Variants in FBXO28 observed in about 807,000 individuals in gnomAD.
FBXO28 encodes the protein F-box only protein 28.
FBXO28 carries 8 observed loss-of-function variants against 38.1 expected under a neutral mutation model. The ratio of observed to expected loss-of-function variants is 0.21; its 90% CI spans 0.12 to 0.38. The LOEUF (loss-of-function observed/expected upper bound fraction) is 0.38, where lower values mean the gene tolerates loss of function less well. Ranked by LOEUF, FBXO28 falls within the 10% of genes least tolerant of loss-of-function variation. The pLI is 1.00. For missense variants in FBXO28, 345 were observed against 460.6 expected (o/e 0.75, Z 2.30); for synonymous variants, 168 against 173.8 (o/e 0.97, Z 0.26).
chr1:224,123,562 A>G (rs562687670), intron 1 of FBXO28, among the ~76,000 whole-genome samples: 6 of 151,466 alleles, frequency 4.0e-5, no homozygotes, highest in Admixed American at 2.0e-4. Flanking sequence ...TTGTATGTAT[A>G]TTATCGTGGT....
rs1045848566 is a variant in FBXO28 at position 224,114,351 on chromosome 1, C to T, written c.222C>T (p.Asn74=). ...CGCTGCCCATCGTAGCCATCGAGAACATCCTCAGCTTTATGTCCTACGACG... is the reference window on the plus strand; with the variant it reads ...CGCTGCCCATCGTAGCCATCGAGAATATCCTCAGCTTTATGTCCTACGACG... The part of the protein sequence containing the change: ...LVALPIVAIE[N]ILSFMSYDEI... The change falls in exon 1 of 5, where the codon AAC becomes AAT. Residue 74 remains asparagine, a synonymous_variant. Transcript: ENST00000366862. The T allele has an allele frequency of 6.3e-7, 1 of 1,599,772 alleles. No individual in the cohort carries two copies. The highest frequency in any genetic ancestry group is 8.5e-7 in the Non-Finnish European group (1 of 1,173,276).
chr1:224,146,030 C>A (rs1003982765), intron 3 of FBXO28, among the ~76,000 whole-genome samples: 2 of 151,278 alleles, frequency 1.3e-5, no homozygotes, highest in African/African-American at 4.9e-5. Flanking sequence ...TGTGGCATTG[C>A]CCTCCAGCCT....
intron 1 of FBXO28, among the ~76,000 whole-genome samples, chr1:224,129,495 A>G (rs1656986056): frequency 6.6e-6 from 1 of 152,170 alleles, no homozygotes; most frequent in Non-Finnish European, 1.5e-5. Context: ...ACTCAAATGG[A>G]TACATTTCTG....
chr1:224,127,015 A>G (rs1165030119), intron 1 of FBXO28, among the ~76,000 whole-genome samples: 1 of 151,692 alleles, frequency 6.6e-6, no homozygotes, highest in East Asian at 1.9e-4. Flanking sequence ...AATAACATAA[A>G]AGTTTTTTTT....
At chr1:224,139,704 G>C (rs557546951) in intron 3 of FBXO28, among the ~76,000 whole-genome samples, 245 of 152,202 alleles carry the variant, frequency 1.6e-3, no homozygotes, top group African/African-American at 5.5e-3. Flanking sequence ...TTGCGCCACT[G>C]TATTCCAGCC....
chr1:224,144,191 T>TGGTGGTTCA (rs1410791157), intron 3 of FBXO28, among the ~76,000 whole-genome samples: 1 of 142,400 alleles, frequency 7.0e-6, no homozygotes, highest in Non-Finnish European at 1.5e-5. Flanking sequence ...GGGCCAGGTG[T>TGGTGGTTCA]GGTGGTTCAT....
chr1:224,122,883 A>G (rs936161079), intron 1 of FBXO28, among the ~76,000 whole-genome samples: 4 of 152,232 alleles, frequency 2.6e-5, no homozygotes. Flanking sequence ...GCAGTTCTAT[A>G]ACAGCAGAGT....
intron 3 of FBXO28, 134 bp downstream of exon 3, chr1:224,134,346 T>C (rs1657125942): frequency 1.4e-6 from 1 of 736,832 alleles, no homozygotes. Flanking sequence ...TTTGTTTGCT[T>C]TCTGTACAGT....
rs548807450 is a variant in FBXO28 at position 224,125,797 on chromosome 1, A to G, written c.268-4675A>G. Among the ~76,000 whole-genome samples the G allele has an allele frequency of 5.3e-5, 8 of 151,994 alleles. No individual in the cohort carries two copies. In the South Asian group the frequency reaches 1.7e-3, roughly 32 times the overall value. ...GCTGGAATTACAGGCGCCTGCCACC[A>G]CACCCAGCTAATTTTTATTTGGGGG... On this transcript the variant is annotated intron_variant, in intron 1 of 4. Coordinates refer to ENST00000366862, the MANE Select transcript of FBXO28 (RefSeq NM_015176.4).
chr1:224,151,587 G>A (rs1657648485), intron 3 of FBXO28, among the ~76,000 whole-genome samples: 1 of 152,198 alleles, frequency 6.6e-6, no homozygotes, highest in African/African-American at 2.4e-5. Flanking sequence ...TGGATTATAA[G>A]ATTGATCCAG....
At chr1:224,145,655 G>A (rs762779013) in intron 3 of FBXO28, among the ~76,000 whole-genome samples, 4 of 152,160 alleles carry the variant, frequency 2.6e-5, no homozygotes, top group Non-Finnish European at 5.9e-5. Context: ...AGGCCTGGTA[G>A]CTCATGCCTG....
At chr1:224,121,501 G>A (rs1458931021) in intron 1 of FBXO28, among the ~76,000 whole-genome samples, 1 of 152,050 alleles carries the variant, frequency 6.6e-6, no homozygotes, top group Non-Finnish European at 1.5e-5. Context: ...GTGATCTTAG[G>A]CAGTAGGTAG....
chr1:224,153,078 G>GC, intron 3 of FBXO28, 64 bp from the exon 4 acceptor site: 1 of 1,352,366 alleles, frequency 7.4e-7, no homozygotes, highest in Non-Finnish European at 1.0e-6. Context: ...TTCTCTGCCT[G>GC]TTTAGCTATT....
At position 224,158,060 on chromosome 1, in the gene FBXO28, C is replaced by T. The variant is rs1035527844; in HGVS notation, c.*314C>T. ...GTTTCTGCATATATGCACATACATA[C>T]GTAAGGATCTTAAACCCAGTCTTGA... On this transcript the variant is annotated 3_prime_UTR_variant, in exon 5 of 5. Transcript: ENST00000366862. 25 of 1,057,522 alleles carry T rather than the reference C, an allele frequency of 2.4e-5. No individual in the cohort carries two copies. Among genetic ancestry groups the T allele is most frequent in the Admixed American group, 5.1e-5 (1 of 19,756 alleles). The allele number at this position is 1,057,522 out of a possible 1,614,324, so 65.5% of individuals were successfully genotyped here.
chr1:224,157,879 CTT>C lies in FBXO28; in HGVS notation c.*134_*135del, dbSNP rs1657808201. On this transcript the variant is annotated 3_prime_UTR_variant, in exon 5 of 5. Coordinates refer to ENST00000366862, the MANE Select transcript of FBXO28 (RefSeq NM_015176.4). ...TCAGAACACAACTTAAACTTGAACT[CTT>C]ATGGTTGGGACATTCTTTTCCTGCT... 2.1e-6 allele frequency: 3 copies of C among 1,434,886 alleles called. No homozygotes were observed. The highest frequency in any genetic ancestry group is 1.8e-6 in the Non-Finnish European group (2 of 1,100,722). 88.9% of individuals were successfully genotyped at this position (1,434,886 alleles called of 1,614,324 possible). A position where few individuals can be genotyped will look rare whatever the true frequency, so the allele number is the denominator to read the frequency against.
intron 3 of FBXO28, among the ~76,000 whole-genome samples, chr1:224,134,784 T>A (rs1657135777): frequency 6.6e-6 from 1 of 152,228 alleles, no homozygotes; most frequent in Non-Finnish European, 1.5e-5. Context: ...ACTTATACCT[T>A]CAGTAGTACC....
At chr1:224,155,002 T>G (rs2102636566) in intron 4 of FBXO28, among the ~76,000 whole-genome samples, 1 of 151,370 alleles carries the variant, frequency 6.6e-6, no homozygotes, top group Middle Eastern at 3.4e-3. Flanking sequence ...ATCATTAAGT[T>G]AAACCATTGT....
rs544337297 is a variant in FBXO28 at position 224,157,416 on chromosome 1, A to C, written c.777A>C (p.Gln259His). ...QLFSKQNPSR[Q>H]EVTKLQQQVK... ...TCTCCAAGCAAAATCCTTCAAGACA[A>C]GAGGTTACCAAACTCCAGCAGCAGG... The change falls in exon 5 of 5, where the codon CAA becomes CAC. Residue 259 changes from glutamine (Q) to histidine (H), a missense_variant. Coordinates refer to ENST00000366862, the MANE Select transcript of FBXO28 (RefSeq NM_015176.4). 4.2e-5 allele frequency: 68 copies of C among 1,614,146 alleles called. 3 individuals are homozygous for C. In the South Asian group the frequency reaches 7.2e-4, roughly 17 times the overall value.
chr1:224,130,658 GT>G, intron 2 of FBXO28, 77 bp downstream of exon 2: 1 of 929,754 alleles, frequency 1.1e-6, no homozygotes, highest in Non-Finnish European at 1.7e-6. Context: ...CAGTCTCATG[GT>G]TTACATATTG....
Sources: gnomAD v4.1 joint callset for allele counts (sites outside exome capture counted in the v4.1 genomes callset) on GRCh38, gnomAD v4.1.1 for gene constraint, MANE v1.5 for transcripts, NCBI Gene and HGNC (gene_info 2026-07-23, HGNC 2026-07-21) for gene names.